The following LDB2 variants were observed in gnomAD, a reference collection of about 807,000 sequenced individuals.
LDB2 encodes the protein LIM domain binding 2, also known as LIM domain-binding protein 2.
In LDB2, 12 loss-of-function variants were observed where a neutral mutation model predicts 44.3. The observed-to-expected ratio is 0.27, with a 90% CI of 0.17 to 0.44. The LOEUF is 0.44. Ranked by LOEUF, LDB2 falls within the 20% of genes least tolerant of loss-of-function variation. The pLI is 1.00. For missense variants in LDB2, 344 were observed against 473.5 expected (o/e 0.73, Z 2.54); for synonymous variants, 164 against 174.8 (o/e 0.94, Z 0.49).
intron 7 of LDB2, chr4:16,506,226 C>T (rs768091155): frequency 4.7e-6 from 2 of 426,370 alleles, no homozygotes; most frequent in South Asian, 5.9e-5. Flanking sequence ...ATTTAATGTC[C>T]ATTCAACTCC....
intron 1 of LDB2, among the ~76,000 whole-genome samples, chr4:16,879,450 T>C (rs747353024): frequency 6.6e-6 from 1 of 152,140 alleles, no homozygotes; most frequent in East Asian, 1.9e-4. Flanking sequence ...CACACAGCCC[T>C]CCCCAGTGGG....
intron 5 of LDB2, among the ~76,000 whole-genome samples, chr4:16,536,747 T>C (rs375628340): frequency 3.3e-4 from 50 of 152,198 alleles, no homozygotes; most frequent in East Asian, 1.7e-3. Flanking sequence ...GCTGAACACC[T>C]TCCCAAAGAT....
intron 2 of LDB2, among the ~76,000 whole-genome samples, chr4:16,699,895 G>A (rs1458500574): frequency 1.3e-5 from 2 of 152,072 alleles, no homozygotes; most frequent in African/African-American, 2.4e-5. Context: ...ATGTACAGTA[G>A]GGGGGCCAGA....
At chr4:16,600,792 A>G (rs1722362909) in intron 2 of LDB2, among the ~76,000 whole-genome samples, 2 of 152,084 alleles carry the variant, frequency 1.3e-5, no homozygotes, top group African/African-American at 4.8e-5. Flanking sequence ...CTTTTCTTGT[A>G]GGTATTACTT....
intron 5 of LDB2, among the ~76,000 whole-genome samples, chr4:16,512,516 C>T (rs1386297540): frequency 6.6e-6 from 1 of 152,182 alleles, no homozygotes. Context: ...GATTTCTACT[C>T]TGGTTTCTGT....
intron 1 of LDB2, among the ~76,000 whole-genome samples, chr4:16,860,617 G>T (rs1193446224): frequency 6.6e-6 from 1 of 152,186 alleles, no homozygotes; most frequent in East Asian, 1.9e-4. Flanking sequence ...CAGAATAGAG[G>T]TGGACTGAAC....
chr4:16,654,349 G>C (rs1739148449), intron 2 of LDB2, among the ~76,000 whole-genome samples: 1 of 152,072 alleles, frequency 6.6e-6, no homozygotes, highest in African/African-American at 2.4e-5. Context: ...TCCGAATCAT[G>C]GGAAATTTAG....
chr4:16,589,541 ATAGAG>A (rs1231820907), intron 3 of LDB2, among the ~76,000 whole-genome samples: 2 of 152,172 alleles, frequency 1.3e-5, no homozygotes, highest in East Asian at 1.9e-4. Flanking sequence ...CTCTTCCTTG[ATAGAG>A]TAATCAGTGA....
At chr4:16,844,252 A>AG in intron 1 of LDB2, among the ~76,000 whole-genome samples, 1 of 147,270 alleles carries the variant, frequency 6.8e-6, no homozygotes, top group African/African-American at 2.5e-5. Flanking sequence ...TGTCTCCAAA[A>AG]AAAAAAAAAA....
intron 2 of LDB2, among the ~76,000 whole-genome samples, chr4:16,712,760 A>G (rs1464201214): frequency 6.6e-6 from 1 of 152,142 alleles, no homozygotes; most frequent in Non-Finnish European, 1.5e-5. Flanking sequence ...GCTAGTGGGA[A>G]TGTAAAATGG....
chr4:16,520,906 C>G (rs1275873368), intron 5 of LDB2, among the ~76,000 whole-genome samples: 1 of 152,168 alleles, frequency 6.6e-6, no homozygotes, highest in African/African-American at 2.4e-5. Context: ...ACCTCTGATT[C>G]TACAGCCATA....
At chr4:16,621,210 A>T (rs1451241078) in intron 2 of LDB2, among the ~76,000 whole-genome samples, 1 of 152,228 alleles carries the variant, frequency 6.6e-6, no homozygotes, top group African/African-American at 2.4e-5. Flanking sequence ...ATTCACAAAC[A>T]AAAGCCAACT....
intron 1 of LDB2, among the ~76,000 whole-genome samples, chr4:16,816,603 G>A (rs1780972977): frequency 6.6e-6 from 1 of 151,556 alleles, no homozygotes; most frequent in Non-Finnish European, 1.5e-5. Context: ...TAGAGACAGG[G>A]TTTCACCATG....
chr4:16,621,610 A>G (rs1728900806), intron 2 of LDB2, among the ~76,000 whole-genome samples: 1 of 152,124 alleles, frequency 6.6e-6, no homozygotes, highest in African/African-American at 2.4e-5. Flanking sequence ...GAGAATGCAG[A>G]GGTGCAATCA....
intron 2 of LDB2, among the ~76,000 whole-genome samples, chr4:16,745,203 T>C (rs933673106): frequency 1.3e-5 from 2 of 152,198 alleles, no homozygotes; most frequent in African/African-American, 4.8e-5. Context: ...ACTGAGTATG[T>C]GATTTCCACA....
intron 1 of LDB2, among the ~76,000 whole-genome samples, chr4:16,837,099 A>G (rs746546787): frequency 2.2e-4 from 34 of 152,234 alleles, no homozygotes; most frequent in Admixed American, 4.6e-4. Context: ...GGAATTATTC[A>G]GTTCAGTGTT....
intron 2 of LDB2, among the ~76,000 whole-genome samples, chr4:16,630,669 T>C (rs1039679478): frequency 1.3e-5 from 2 of 152,128 alleles, no homozygotes; most frequent in African/African-American, 4.8e-5. Flanking sequence ...TCGAGACCCA[T>C]CGGTGTGCTG....
intron 2 of LDB2, among the ~76,000 whole-genome samples, chr4:16,698,564 A>AT (rs1280375359): frequency 3.9e-5 from 6 of 152,060 alleles, no homozygotes; most frequent in Admixed American, 3.3e-4. Flanking sequence ...TTCTTTCTGA[A>AT]TTTTTTTAAT....
chr4:16,656,252 A>G (rs1739834512), intron 2 of LDB2, among the ~76,000 whole-genome samples: 1 of 152,174 alleles, frequency 6.6e-6, no homozygotes, highest in Non-Finnish European at 1.5e-5. Context: ...TGGGTTTCAT[A>G]TTGCCTTAAT....
Sources: allele counts gnomAD v4.1 joint callset (sites outside exome capture counted in the v4.1 genomes callset), GRCh38; gene constraint gnomAD v4.1.1; transcripts MANE v1.5; gene names NCBI Gene and HGNC (gene_info 2026-07-23, HGNC 2026-07-21).